VEPH1: variants seen among roughly 807,000 people sequenced by gnomAD.
VEPH1 encodes the protein ventricular zone-expressed PH domain-containing protein homolog 1.
A neutral mutation model predicts 85.2 loss-of-function variants in VEPH1; 80 were observed. The observed-to-expected ratio is 0.94, with a 90% confidence interval of 0.78 to 1.13. The LOEUF (loss-of-function observed/expected upper bound fraction) is 1.13, where lower values mean the gene tolerates loss of function less well. Among genes scored for constraint, VEPH1 ranks in the 50% most tolerant of loss-of-function variants. The pLI, the probability that VEPH1 is intolerant of heterozygous loss-of-function variation, is 0.00. For missense variants in VEPH1, 955 were observed against 980.5 expected (o/e 0.97, Z 0.35); for synonymous variants, 297 against 348.0 (o/e 0.85, Z 1.63).
At chr3:157,411,195 T>C (rs1731504631) in intron 6 of VEPH1, among the ~76,000 whole-genome samples, 1 of 152,130 alleles carries the variant, frequency 6.6e-6, no homozygotes, top group African/African-American at 2.4e-5. Flanking sequence ...GGTAGAGCAA[T>C]AAGGTAGAAG....
At chr3:157,281,239 AG>A (rs1197693690) in intron 12 of VEPH1, among the ~76,000 whole-genome samples, 1 of 152,120 alleles carries the variant, frequency 6.6e-6, no homozygotes, top group Non-Finnish European at 1.5e-5. Flanking sequence ...AGATGGGGAA[AG>A]GGAGAAAAGG....
At chr3:157,489,744 T>C (rs1739049536) in intron 2 of VEPH1, among the ~76,000 whole-genome samples, 1 of 151,952 alleles carries the variant, frequency 6.6e-6, no homozygotes, top group African/African-American at 2.4e-5. Context: ...ATTACCCTTC[T>C]ATCCTAGCAT....
At chr3:157,305,036 A>ATATCTATCTATCCATCTATC (rs1719309798) in intron 11 of VEPH1, among the ~76,000 whole-genome samples, 3 of 139,500 alleles carry the variant, frequency 2.2e-5, no homozygotes, top group African/African-American at 8.1e-5. Flanking sequence ...GTGTATTGTT[A>ATATCTATCTATCCATCTATC]TATCTATCTA....
intron 4 of VEPH1, among the ~76,000 whole-genome samples, chr3:157,431,447 A>C (rs953665504): frequency 6.6e-6 from 1 of 151,890 alleles, no homozygotes; most frequent in Non-Finnish European, 1.5e-5. Flanking sequence ...CTGTTCCTTC[A>C]TCTCATCTCT....
chr3:157,335,533 A>C (rs1722887617), intron 9 of VEPH1, among the ~76,000 whole-genome samples: 1 of 152,216 alleles, frequency 6.6e-6, no homozygotes, highest in Admixed American at 6.5e-5. Context: ...ATTATGAAGA[A>C]AGGTAGTCAA....
chr3:157,445,667 T>A (rs2109268518), intron 4 of VEPH1, among the ~76,000 whole-genome samples: 1 of 150,674 alleles, frequency 6.6e-6, no homozygotes, highest in East Asian at 2.0e-4. Flanking sequence ...CGTGCGCCTG[T>A]AATCCCAGCT....
At chr3:157,347,395 G>A (rs1724345543) in intron 9 of VEPH1, among the ~76,000 whole-genome samples, 1 of 152,208 alleles carries the variant, frequency 6.6e-6, no homozygotes, top group Non-Finnish European at 1.5e-5. Flanking sequence ...GATTCAGAGA[G>A]ATGTAGAGAG....
At position 157,338,305 on chromosome 3, in the gene VEPH1, G is replaced by A. The variant is rs540649199; in HGVS notation, c.1736-21104C>T. 5.7e-4 allele frequency among the ~76,000 whole-genome samples: 86 copies of A among 152,132 alleles called. 1 individual carries two copies. The highest frequency in any genetic ancestry group is 3.4e-3 in the Middle Eastern group (1 of 294). ...TCAAAGGTTAAATCTGTAAACCAAG[G>A]CCTTGTCTACTGGAGTCCATGTTCC... On this transcript the variant is annotated intron_variant, in intron 9 of 13. Transcript: ENST00000362010.
At chr3:157,459,517 G>T in intron 4 of VEPH1, 2 of 800,796 alleles carry the variant, frequency 2.5e-6, no homozygotes, top group Non-Finnish European at 1.6e-6. Flanking sequence ...GGGACATTTG[G>T]ATGCACATCA....
intron 6 of VEPH1, chr3:157,381,683 C>A: frequency 3.5e-6 from 1 of 289,822 alleles, no homozygotes; most frequent in Non-Finnish European, 6.5e-6. Context: ...TGTGCCACTG[C>A]ACTCCAGCCT....
intron 2 of VEPH1, among the ~76,000 whole-genome samples, chr3:157,477,960 T>A (rs546573175): frequency 6.6e-6 from 1 of 152,218 alleles, no homozygotes; most frequent in Admixed American, 6.5e-5. Context: ...TAGAATAAAT[T>A]TATTATACAA....
intron 10 of VEPH1, among the ~76,000 whole-genome samples, chr3:157,316,721 A>T (rs1720790182): frequency 6.6e-6 from 1 of 152,054 alleles, no homozygotes; most frequent in African/African-American, 2.4e-5. Flanking sequence ...AGATTGGAAG[A>T]CTAGACAAAT....
chr3:157,271,705 TA>T (rs1045787483), intron 12 of VEPH1, among the ~76,000 whole-genome samples: 2 of 152,070 alleles, frequency 1.3e-5, no homozygotes, highest in Non-Finnish European at 2.9e-5. Context: ...AAGCCAGAGC[TA>T]AAAGAGCCTA....
chr3:157,475,339 C>CTCT (rs1737370906), intron 2 of VEPH1, among the ~76,000 whole-genome samples: 1 of 151,894 alleles, frequency 6.6e-6, no homozygotes, highest in African/African-American at 2.4e-5. Context: ...AAATATATGT[C>CTCT]TCTTCTTTGC....
intron 7 of VEPH1, among the ~76,000 whole-genome samples, chr3:157,377,825 A>G (rs1377605489): frequency 2.6e-5 from 4 of 152,198 alleles, no homozygotes; most frequent in African/African-American, 7.2e-5. Context: ...GTTCTTTACA[A>G]CAGTATGAAA....
At chr3:157,486,884 T>C (rs1020571787) in intron 2 of VEPH1, among the ~76,000 whole-genome samples, 27 of 152,222 alleles carry the variant, frequency 1.8e-4, no homozygotes, top group Middle Eastern at 3.4e-3. Context: ...AAAAAGATTA[T>C]AAAAATTCTT....
At position 157,298,902 on chromosome 3, in the gene VEPH1, C is replaced by T. The variant is rs114428251; in HGVS notation, c.2011-12228G>A. On this transcript the variant is annotated intron_variant, in intron 11 of 13. Transcript: ENST00000362010. ...CAATCCACATGCAACTTTCAGGATTCTAAAATTAAAAGCTGATAGTGGCAC... is the reference window on the plus strand; with the variant it reads ...CAATCCACATGCAACTTTCAGGATTTTAAAATTAAAAGCTGATAGTGGCAC... Among the ~76,000 whole-genome samples the T allele has an allele frequency of 8.0e-3, 1,222 of 152,248 alleles. 27 individuals are homozygous for T. The highest frequency in any genetic ancestry group is 0.027 in the African/African-American group (1,131 of 41,536).
chr3:157,316,337 G>C (rs1720752573), intron 10 of VEPH1, among the ~76,000 whole-genome samples: 1 of 151,312 alleles, frequency 6.6e-6, no homozygotes, highest in Non-Finnish European at 1.5e-5. Context: ...ATAAAATAAT[G>C]CATTTTAAAA....
chr3:157,325,645 G>T (rs1484599504), intron 9 of VEPH1, among the ~76,000 whole-genome samples: 2 of 152,248 alleles, frequency 1.3e-5, no homozygotes, highest in Middle Eastern at 3.4e-3. Flanking sequence ...AGACCAGATG[G>T]TTATAGGTGT....
Sources: allele counts gnomAD v4.1 joint callset (sites outside exome capture counted in the v4.1 genomes callset), GRCh38; gene constraint gnomAD v4.1.1; transcripts MANE v1.5; gene names NCBI Gene and HGNC (gene_info 2026-07-23, HGNC 2026-07-21).